EPC2: variants seen among roughly 807,000 people sequenced by gnomAD.
EPC2 encodes enhancer of polycomb 2.
Under a neutral mutation model 92.1 loss-of-function variants are expected in EPC2, and 14 were observed. The ratio of observed to expected loss-of-function variants is 0.15; its 90% confidence interval spans 0.10 to 0.24. The LOEUF (loss-of-function observed/expected upper bound fraction) is 0.24. Ranked by LOEUF, EPC2 falls within the 10% of genes least tolerant of loss-of-function variation. EPC2 has a pLI of 1.00. For missense variants in EPC2, 755 were observed against 971.5 expected, an observed-to-expected ratio of 0.78 and a Z score of 2.96; for synonymous variants, 340 against 334.7, an observed-to-expected ratio of 1.02 and a Z score of -0.17.
intron 4 of EPC2, among the ~76,000 whole-genome samples, chr2:148,757,514 G>C (rs890675773): frequency 1.3e-5 from 2 of 152,068 alleles, no homozygotes; most frequent in Non-Finnish European, 2.9e-5. Context: ...GTAGAAATGG[G>C]CATGTCTAGC....
chr2:148,705,778 T>A (rs1479445336), intron 2 of EPC2, among the ~76,000 whole-genome samples: 1 of 152,052 alleles, frequency 6.6e-6, no homozygotes, highest in African/African-American at 2.4e-5. Context: ...GAAGGAAAAC[T>A]AACAAACAAA....
At chr2:148,746,914 T>C (rs1682996354) in intron 3 of EPC2, among the ~76,000 whole-genome samples, 1 of 152,106 alleles carries the variant, frequency 6.6e-6, no homozygotes, top group South Asian at 2.1e-4. Context: ...TAAATGGATA[T>C]ACAGTGTTCT....
At chr2:148,709,892 C>T (rs1028894698) in intron 2 of EPC2, among the ~76,000 whole-genome samples, 2 of 152,094 alleles carry the variant, frequency 1.3e-5, no homozygotes, top group Admixed American at 6.6e-5. Flanking sequence ...ACCATAAAAA[C>T]CCTAGAAGAA....
intron 7 of EPC2, among the ~76,000 whole-genome samples, chr2:148,767,362 A>G (rs186360841): frequency 6.6e-6 from 1 of 152,168 alleles, no homozygotes; most frequent in Admixed American, 6.5e-5. Context: ...AAATTCTTGC[A>G]TTGATTTATA....
rs147418216 is a variant in EPC2, at chr2:148,743,823, T to A, written c.459+56T>A. 929 of 1,344,706 alleles carry A rather than the reference T, an allele frequency of 6.9e-4. 10 individuals are homozygous for A. The East Asian group carries it at 0.023, about 33-fold the overall frequency. The allele number at this position is 1,344,706 out of a possible 1,614,324, so 83.3% of individuals were successfully genotyped here. On this transcript the variant is annotated intron_variant, in intron 3 of 13. Transcript: ENST00000258484. ...TTCTAGTTAACCCAATTTGCACCTT[T>A]ATAAGACCTGAGTGTGTTGCATTTT...
At chr2:148,774,641 T>G (rs1371173340) in intron 10 of EPC2, among the ~76,000 whole-genome samples, 4 of 149,014 alleles carry the variant, frequency 2.7e-5, no homozygotes, top group Non-Finnish European at 5.9e-5. Flanking sequence ...TATATATATA[T>G]GCATGTACTA....
At chr2:148,736,669 T>C (rs1038286464) in intron 2 of EPC2, among the ~76,000 whole-genome samples, 1 of 152,196 alleles carries the variant, frequency 6.6e-6, no homozygotes, top group Admixed American at 6.5e-5. Flanking sequence ...TCCACACTTT[T>C]TTCTACAGTT....
chr2:148,689,143 A>G (rs996626642), intron 1 of EPC2, among the ~76,000 whole-genome samples: 6 of 152,044 alleles, frequency 3.9e-5, no homozygotes, highest in Non-Finnish European at 5.9e-5. Flanking sequence ...TGGAAATGAG[A>G]TAAGAGAGAT....
At chr2:148,670,987 A>G (rs779932483) in intron 1 of EPC2, among the ~76,000 whole-genome samples, 16 of 152,094 alleles carry the variant, frequency 1.1e-4, no homozygotes, top group Non-Finnish European at 1.5e-4. Flanking sequence ...CCCAGCCCCT[A>G]TTCTTTCTCA....
At chr2:148,692,050 C>T (rs1681655351) in intron 2 of EPC2, 6 of 322,978 alleles carry the variant, frequency 1.9e-5, no homozygotes, top group South Asian at 1.6e-4. Flanking sequence ...AATTTGTTCC[C>T]GCTTTCTCCT....
chr2:148,690,198 A>G lies in EPC2; in HGVS notation c.154-16A>G. 1.3e-6 allele frequency: 2 copies of G among 1,580,196 alleles called. No individual in the cohort carries two copies. The highest frequency in any genetic ancestry group is 1.7e-6 in the Non-Finnish European group (2 of 1,168,312). On this transcript the variant is annotated splice_polypyrimidine_tract_variant and intron_variant, in intron 1 of 13. Transcript: ENST00000258484. ...ATTACTAAAACAACTTATGTTGCCTACTTTACATTTTCCAGGAACATCATT... is the reference window on the plus strand; with the variant it reads ...ATTACTAAAACAACTTATGTTGCCTGCTTTACATTTTCCAGGAACATCATT...
chr2:148,762,615 C>T, intron 5 of EPC2, 55 bp from the exon 6 acceptor site: 8 of 1,321,124 alleles, frequency 6.1e-6, no homozygotes, highest in African/African-American at 3.0e-5. Flanking sequence ...ACTTATTTTC[C>T]TTCTTTATTG....
intron 7 of EPC2, among the ~76,000 whole-genome samples, chr2:148,768,503 T>G (rs1008121064): frequency 2.0e-5 from 3 of 152,202 alleles, no homozygotes; most frequent in Non-Finnish European, 4.4e-5. Context: ...TCTTTATTCT[T>G]TTGCTCTAGC....
intron 2 of EPC2, among the ~76,000 whole-genome samples, chr2:148,729,490 T>G (rs1342064637): frequency 6.6e-6 from 1 of 152,216 alleles, no homozygotes; most frequent in Non-Finnish European, 1.5e-5. Flanking sequence ...CCCCAGACTT[T>G]ACTTGAATTT....
At chr2:148,696,961 T>C (rs1681759803) in intron 2 of EPC2, among the ~76,000 whole-genome samples, 2 of 152,378 alleles carry the variant, frequency 1.3e-5, no homozygotes, top group South Asian at 4.1e-4. Flanking sequence ...TCCACAGTTA[T>C]GGGTAAAAGA....
At chr2:148,732,553 G>C (rs1449460404) in intron 2 of EPC2, among the ~76,000 whole-genome samples, 1 of 151,730 alleles carries the variant, frequency 6.6e-6, no homozygotes, top group African/African-American at 2.4e-5. Context: ...GCTAATTTTT[G>C]TATTTTTTGT....
chr2:148,725,209 CTATTTT>C (rs1682469747), intron 2 of EPC2, among the ~76,000 whole-genome samples: 2 of 152,010 alleles, frequency 1.3e-5, no homozygotes, highest in South Asian at 4.1e-4. Context: ...TATTTTGAGA[CTATTTT>C]AATTAAATTT....
At chr2:148,646,205 T>G (rs933216598) in intron 1 of EPC2, among the ~76,000 whole-genome samples, 2 of 152,200 alleles carry the variant, frequency 1.3e-5, no homozygotes, top group Admixed American at 1.3e-4. Flanking sequence ...TTCTCTTGCT[T>G]CAGTGACTGT....
At chr2:148,763,090 A>G (rs1004296285) in intron 6 of EPC2, among the ~76,000 whole-genome samples, 8 of 152,152 alleles carry the variant, frequency 5.3e-5, no homozygotes, top group Admixed American at 6.5e-5. Flanking sequence ...GTCATGTTCA[A>G]TATGCTATCT....
Sources: allele counts gnomAD v4.1 joint callset (sites outside exome capture counted in the v4.1 genomes callset), GRCh38; gene constraint gnomAD v4.1.1; transcripts MANE v1.5; gene names NCBI Gene and HGNC (gene_info 2026-07-23, HGNC 2026-07-21).